The following SHANK2 variants were observed in gnomAD, a reference collection of about 807,000 sequenced individuals.
SHANK2 encodes SH3 and multiple ankyrin repeat domains 2, also known as SH3 and multiple ankyrin repeat domains protein 2.
In SHANK2, 43 loss-of-function variants were observed where a neutral mutation model predicts 133.7. The observed-to-expected ratio is 0.32, with a 90% CI of 0.25 to 0.41. SHANK2 has a LOEUF of 0.41. Among genes scored for constraint, SHANK2 ranks in the 10% least tolerant of loss-of-function variants. The pLI, the probability that SHANK2 is intolerant of heterozygous loss-of-function variation, is 1.00. For synonymous variants in SHANK2, 1,017 were observed against 952.8 expected (o/e 1.07, Z -1.24); for missense variants, 1,994 against 2,235.8 (o/e 0.89, Z 2.18).
At chr11:71,066,009 AG>A (rs1951052394) in intron 9 of SHANK2, among the ~76,000 whole-genome samples, 1 of 92,088 alleles carries the variant, frequency 1.1e-5, no homozygotes, top group Non-Finnish European at 2.1e-5. Flanking sequence ...GAACTCTCCC[AG>A]GGAGATGAGT....
At chr11:70,492,288 G>T in intron 22 of SHANK2, 47 bp downstream of exon 22, 1 of 1,602,028 alleles carries the variant, frequency 6.2e-7, no homozygotes. Flanking sequence ...CCACTTCCTG[G>T]GCACCGTCGG....
chr11:70,490,870 A>C (rs2058877568), intron 22 of SHANK2, among the ~76,000 whole-genome samples: 1 of 152,158 alleles, frequency 6.6e-6, no homozygotes, highest in Non-Finnish European at 1.5e-5. Flanking sequence ...CACCAGCCCC[A>C]CAGTGTGTGC....
At chr11:70,612,061 C>CGGGCGTGACACAGGCCCA (rs1158437014) in intron 17 of SHANK2, among the ~76,000 whole-genome samples, 2 of 151,928 alleles carry the variant, frequency 1.3e-5, no homozygotes, top group Non-Finnish European at 2.9e-5. Context: ...AGGCGGCGTC[C>CGGGCGTGACACAGGCCCA]GGGCGTGACA....
chr11:70,704,260 A>T (rs1435558805), intron 14 of SHANK2, among the ~76,000 whole-genome samples: 1 of 152,242 alleles, frequency 6.6e-6, no homozygotes, highest in Non-Finnish European at 1.5e-5. Context: ...TTGGTGGTAT[A>T]AAAAAACTTG....
chr11:71,111,962 T>TA (rs1951897655), intron 5 of SHANK2, among the ~76,000 whole-genome samples: 2 of 152,236 alleles, frequency 1.3e-5, no homozygotes, highest in Admixed American at 1.3e-4. Context: ...TCTTGTGCCA[T>TA]AAAGTGGCTG....
At chr11:71,226,022 T>G (rs1555122162) in intron 1 of SHANK2, among the ~76,000 whole-genome samples, 1 of 152,130 alleles carries the variant, frequency 6.6e-6, no homozygotes, top group Non-Finnish European at 1.5e-5. Context: ...CTCAGGAGGC[T>G]GAGGCAGGAG....
chr11:71,094,969 C>A (rs1951580846), intron 6 of SHANK2, among the ~76,000 whole-genome samples: 1 of 152,254 alleles, frequency 6.6e-6, no homozygotes, highest in Non-Finnish European at 1.5e-5. Context: ...CCAAGAGGCT[C>A]CCTTGCTGCC....
chr11:70,751,958 GA>G (rs1331012260), intron 14 of SHANK2, among the ~76,000 whole-genome samples: 2 of 151,894 alleles, frequency 1.3e-5, no homozygotes, highest in Non-Finnish European at 2.9e-5. Flanking sequence ...GAAAAATAGA[GA>G]ATAACGTGCA....
At position 70,500,817 on chromosome 11, in the gene SHANK2, T is replaced by C. The variant is rs1195281023; in HGVS notation, c.2288-227A>G. The C allele has an allele frequency of 2.8e-6, 2 of 721,314 alleles. No individual in the cohort carries two copies. The highest frequency in any genetic ancestry group is 3.5e-5 in the African/African-American group (2 of 56,848). 44.7% of individuals were successfully genotyped at this position (721,314 alleles called of 1,614,324 possible). A position where few individuals can be genotyped will look rare whatever the true frequency, so the allele number is the denominator to read the frequency against. On this transcript the variant is annotated intron_variant, in intron 20 of 25. Coordinates refer to ENST00000601538, the MANE Select transcript of SHANK2 (RefSeq NM_012309.5). This position sits in a 1 kb window ranked among gnomAD's most constrained non-coding sequence, Gnocchi z 4.5. The stretch of plus-strand genomic sequence containing the variant: ...AACTCTGTCCTGTCTGCCCTGCTCG[T>C]TAACCTACTGCCTGGCAGTGGAAAG...
In SHANK2 at chr11:70,896,494, T is replaced by C. The variant is rs1949936326; in HGVS notation, c.1174+7A>G. ...TCCCAACACAGTTTCTCCACGTGCC[T>C]ACTCACCAATGTCTGTTTCCTTGTG... is the stretch of plus-strand genomic sequence containing the variant. On this transcript the variant is annotated splice_region_variant and intron_variant, in intron 11 of 25. Coordinates refer to ENST00000601538, the MANE Select transcript of SHANK2 (RefSeq NM_012309.5). 1 of 716,234 alleles carries C rather than the reference T, an allele frequency of 1.4e-6. No individual in the cohort carries two copies. The highest frequency in any genetic ancestry group is 1.5e-5 in the South Asian group (1 of 67,264). The allele number at this position is 716,234 out of a possible 1,614,324, so 44.4% of individuals were successfully genotyped here. A position where few individuals can be genotyped will look rare whatever the true frequency, so the allele number is the denominator to read the frequency against.
intron 2 of SHANK2, among the ~76,000 whole-genome samples, chr11:71,167,089 T>C (rs1382591020): frequency 1.3e-5 from 2 of 151,726 alleles, no homozygotes; most frequent in African/African-American, 2.4e-5. Context: ...ATGTTTCAGA[T>C]AGCACAGGGT....
intron 3 of SHANK2, among the ~76,000 whole-genome samples, chr11:71,120,233 G>T (rs1167894860): frequency 6.6e-6 from 1 of 152,180 alleles, no homozygotes; most frequent in Non-Finnish European, 1.5e-5. Context: ...AAAGGCAAAG[G>T]CCAGGCAAAT....
At chr11:71,194,938 T>C (rs61887413) in intron 2 of SHANK2, among the ~76,000 whole-genome samples, 14,112 of 152,226 alleles carry the variant, frequency 0.093, 842 homozygotes, top group Middle Eastern at 0.13. Flanking sequence ...GAAGGTCCAG[T>C]CTGCTTCCTT....
intron 10 of SHANK2, among the ~76,000 whole-genome samples, chr11:70,918,412 A>T (rs982529578): frequency 2.0e-5 from 3 of 152,220 alleles, no homozygotes; most frequent in Non-Finnish European, 4.4e-5. Context: ...TAGTTTCATC[A>T]TCCATGCCAG....
At chr11:70,529,129 C>T (rs2059436430) in intron 17 of SHANK2, among the ~76,000 whole-genome samples, 1 of 152,124 alleles carries the variant, frequency 6.6e-6, no homozygotes, top group Non-Finnish European at 1.5e-5. Flanking sequence ...GCCTGGGGAG[C>T]CAGTGGCACA....
chr11:70,673,352 G>T (rs1944851109), intron 15 of SHANK2, among the ~76,000 whole-genome samples: 2 of 151,988 alleles, frequency 1.3e-5, no homozygotes, highest in Non-Finnish European at 2.9e-5. Context: ...GTGAGTGCAG[G>T]AAGGGACTGT....
Position 70,492,504 on chromosome 11 carries a change from T to TG in SHANK2, c.2309-40dup, listed in dbSNP as rs781873163. On this transcript the variant is annotated intron_variant, in intron 21 of 25. Coordinates refer to ENST00000601538, the MANE Select transcript of SHANK2 (RefSeq NM_012309.5). ...GTGAGGATTGGAGCAGCAACACCAG[T>TG]GGGGGAAGCTGGGTGTAGATAGGAA... is the stretch of plus-strand genomic sequence containing the variant. The TG allele has an allele frequency of 2.0e-5, 32 of 1,612,408 alleles. 1 individual carries two copies. The South Asian group carries it at 3.5e-4, about 18-fold the overall frequency.
chr11:70,658,702 T>C (rs1199660783), intron 17 of SHANK2, among the ~76,000 whole-genome samples: 4 of 152,194 alleles, frequency 2.6e-5, no homozygotes, highest in Non-Finnish European at 2.9e-5. Flanking sequence ...AATCATAGCA[T>C]GAACAAGAAG....
At chr11:70,870,065 G>T (rs1406134263) in intron 11 of SHANK2, among the ~76,000 whole-genome samples, 2 of 152,160 alleles carry the variant, frequency 1.3e-5, no homozygotes, top group South Asian at 4.2e-4. Context: ...TTGCGACGAG[G>T]TAATACTGGA....
Sources: allele counts gnomAD v4.1 joint callset (sites outside exome capture counted in the v4.1 genomes callset), GRCh38; gene constraint gnomAD v4.1.1; non-coding constraint Gnocchi (gnomAD v3.1); transcripts MANE v1.5; gene names NCBI Gene and HGNC (gene_info 2026-07-23, HGNC 2026-07-21).